Variants in KLHL1 observed in about 807,000 individuals in gnomAD.
KLHL1 encodes the protein kelch-like protein 1.
In KLHL1, 47 loss-of-function variants were observed where a neutral mutation model predicts 77.7. The ratio of observed to expected loss-of-function variants is 0.60; its 90% CI spans 0.48 to 0.77. The LOEUF is 0.77. Among genes scored for constraint, KLHL1 ranks in the 30% least tolerant of loss-of-function variants. The probability of loss-of-function intolerance (pLI) is 0.00; values close to 1 mark genes in which losing one functional copy is unlikely to be tolerated. For synonymous variants in KLHL1, 360 were observed against 325.2 expected (o/e 1.11, Z -1.15); for missense variants, 925 against 910.8 (o/e 1.02, Z -0.20).
At position 69,719,262 on chromosome 13, in the gene KLHL1, G is replaced by A. The variant is rs183040537; in HGVS notation, c.2015+107C>T. On this transcript the variant is annotated intron_variant, in intron 9 of 10. Transcript: ENST00000377844. ...AGGAGTTAAAAATGTATCTCTAGGTGTTGAATTTACCCTTCCTAAATAATG... is the reference window on the plus strand; with the variant it reads ...AGGAGTTAAAAATGTATCTCTAGGTATTGAATTTACCCTTCCTAAATAATG... 3.2e-4 allele frequency: 266 copies of A among 837,508 alleles called. 1 individual carries two copies. The Middle Eastern group carries it at 5.2e-3, about 16-fold the overall frequency. The allele number at this position is 837,508 out of a possible 1,614,324, so 51.9% of individuals were successfully genotyped here.
intron 1 of KLHL1, among the ~76,000 whole-genome samples, chr13:70,091,419 T>C (rs976178828): frequency 6.6e-6 from 1 of 152,168 alleles, no homozygotes; most frequent in Non-Finnish European, 1.5e-5. Flanking sequence ...TAATTCTACA[T>C]AACTCATGTG....
chr13:69,732,656 CT>C (rs34871954), intron 8 of KLHL1, among the ~76,000 whole-genome samples: 35,568 of 145,442 alleles, frequency 0.24, 4,339 homozygotes, highest in South Asian at 0.32. Context: ...TGTTTGTTTG[CT>C]TTTTTTTTTT....
intron 1 of KLHL1, among the ~76,000 whole-genome samples, chr13:69,989,624 T>G (rs1426085302): frequency 6.6e-6 from 1 of 151,864 alleles, no homozygotes; most frequent in Admixed American, 6.6e-5. Flanking sequence ...TTTATGTAAT[T>G]TATGATTACT....
Position 69,940,174 on chromosome 13 carries a change from G to A in KLHL1, c.880C>T (p.Leu294Phe). ...CAGCACACTTCCACCACCTGTGGAA[G>A]CTGAAGAAGGCACGCTGCAGCAAGA... The part of the protein sequence containing the change: ...NLLAAACLLQ[L>F]PQVVEVCCHF... The change falls in exon 4 of 11, where the codon CTT (leucine) becomes TTT (phenylalanine). Residue 294 changes from leucine (L) to phenylalanine (F), a missense_variant. By Grantham distance (22) the Leu-to-Phe change is conservative. Coordinates refer to ENST00000377844, the MANE Select transcript of KLHL1 (RefSeq NM_020866.3). The A allele has an allele frequency of 1.9e-6, 3 of 1,612,718 alleles. No individual in the cohort carries two copies. Among genetic ancestry groups the A allele is most frequent in the Non-Finnish European group, 2.5e-6 (3 of 1,179,468 alleles).
intron 3 of KLHL1, among the ~76,000 whole-genome samples, chr13:69,956,518 A>G (rs1167329499): frequency 6.6e-6 from 1 of 151,424 alleles, no homozygotes; most frequent in Non-Finnish European, 1.5e-5. Flanking sequence ...AGTTTAAGCT[A>G]CTCAAACTAT....
intron 6 of KLHL1, among the ~76,000 whole-genome samples, chr13:69,818,384 C>T (rs1014466759): frequency 1.3e-5 from 2 of 151,904 alleles, no homozygotes; most frequent in African/African-American, 4.8e-5. Flanking sequence ...CCACACCCAG[C>T]TAATTTTTCT....
chr13:70,028,870 A>G (rs2137362791), intron 1 of KLHL1, among the ~76,000 whole-genome samples: 1 of 152,124 alleles, frequency 6.6e-6, no homozygotes, highest in Admixed American at 6.6e-5. Context: ...TCAACTACTT[A>G]CAAGATTGAG....
intron 1 of KLHL1, among the ~76,000 whole-genome samples, chr13:69,985,098 C>A (rs936394619): frequency 6.6e-6 from 1 of 151,738 alleles, no homozygotes; most frequent in Non-Finnish European, 1.5e-5. Flanking sequence ...GATGACAGAG[C>A]GAGACTCTGT....
At chr13:69,894,053 TC>T (rs1230435914) in intron 4 of KLHL1, 1 of 152,336 alleles carries the variant, frequency 6.6e-6, no homozygotes, top group Non-Finnish European at 1.5e-5. Context: ...CCAACCGTTT[TC>T]CTGATGGCAA....
chr13:69,826,296 T>G (rs1041296247), intron 6 of KLHL1, among the ~76,000 whole-genome samples: 10 of 152,186 alleles, frequency 6.6e-5, no homozygotes, highest in African/African-American at 2.2e-4. Context: ...AACAATGTAT[T>G]GTCTATTTGA....
At chr13:69,719,203 TGTGTGTGA>T (rs1202366277) in intron 9 of KLHL1, among the ~76,000 whole-genome samples, 158 bp downstream of exon 9, 3 of 71,522 alleles carry the variant, frequency 4.2e-5, no homozygotes, top group East Asian at 3.9e-4. Context: ...TGTGTGTGTG[TGTGTGTGA>T]GAGAGAGAGA....
At chr13:69,983,163 T>C (rs1884763950) in intron 1 of KLHL1, among the ~76,000 whole-genome samples, 2 of 152,090 alleles carry the variant, frequency 1.3e-5, no homozygotes, top group South Asian at 4.1e-4. Flanking sequence ...ATTTCTACAA[T>C]GAAAACTACA....
chr13:69,730,022 T>C (rs1463067881), intron 8 of KLHL1, among the ~76,000 whole-genome samples: 1 of 152,148 alleles, frequency 6.6e-6, no homozygotes, highest in Non-Finnish European at 1.5e-5. Flanking sequence ...TTTCTATGTA[T>C]AGTCAATTTA....
intron 4 of KLHL1, among the ~76,000 whole-genome samples, chr13:69,918,003 G>A (rs192565590): frequency 3.2e-4 from 48 of 152,144 alleles, no homozygotes; most frequent in Non-Finnish European, 6.0e-4. Flanking sequence ...ATATTGATAT[G>A]TTGTAAGGCA....
chr13:69,759,584 T>C (rs1395668147), intron 7 of KLHL1, among the ~76,000 whole-genome samples: 2 of 152,220 alleles, frequency 1.3e-5, no homozygotes, highest in Non-Finnish European at 2.9e-5. Flanking sequence ...GTAGATCTTA[T>C]AAGTTTCATT....
intron 4 of KLHL1, among the ~76,000 whole-genome samples, chr13:69,913,697 G>A (rs528715879): frequency 6.6e-6 from 1 of 152,166 alleles, no homozygotes; most frequent in Non-Finnish European, 1.5e-5. Context: ...CTTGTTCAAT[G>A]AAATTCAATT....
In KLHL1 at chr13:69,774,297, C is replaced by A. The variant is rs185785977; in HGVS notation, c.1639+22441G>T. ...TAATAAAATTTATGACATAAAAGTA[C>A]AAATATATAGTTGCAAAACTACATG... On this transcript the variant is annotated intron_variant, in intron 7 of 10. Transcript: ENST00000377844. Among the ~76,000 whole-genome samples, 626 of 151,864 alleles carry A rather than the reference C, an allele frequency of 4.1e-3. 4 individuals are homozygous for A. The highest frequency in any genetic ancestry group is 0.014 in the African/African-American group (575 of 41,490).
intron 1 of KLHL1, among the ~76,000 whole-genome samples, chr13:70,006,827 A>G (rs1055059086): frequency 7.2e-5 from 11 of 152,086 alleles, no homozygotes; most frequent in African/African-American, 2.7e-4. Flanking sequence ...TAGAACTCTA[A>G]GTAAAAATTA....
At chr13:69,973,595 G>A (rs956517565) in intron 2 of KLHL1, among the ~76,000 whole-genome samples, 3 of 151,686 alleles carry the variant, frequency 2.0e-5, no homozygotes, top group Non-Finnish European at 2.9e-5. Context: ...AAATGTATTA[G>A]TTTATTACTA....
Sources: gnomAD v4.1 joint callset for allele counts (sites outside exome capture counted in the v4.1 genomes callset) on GRCh38, gnomAD v4.1.1 for gene constraint, MANE v1.5 for transcripts, NCBI Gene and HGNC (gene_info 2026-07-23, HGNC 2026-07-21) for gene names.